Variants in SMC2 observed in about 807,000 individuals in gnomAD.
SMC2 encodes structural maintenance of chromosomes 2.
A neutral mutation model predicts 142.6 loss-of-function variants in SMC2; 41 were observed. That is an observed-to-expected ratio of 0.29 (90% CI 0.22 to 0.37). SMC2 has a LOEUF of 0.37. Ranked by LOEUF, SMC2 falls within the 10% of genes least tolerant of loss-of-function variation. SMC2 has a pLI of 1.00. For missense variants in SMC2, 1,265 were observed against 1,373.7 expected, an observed-to-expected ratio of 0.92 and a Z score of 1.25; for synonymous variants, 463 against 457.5, an observed-to-expected ratio of 1.01 and a Z score of -0.15.
chr9:104,118,829 T>C (rs578038760), intron 15 of SMC2, among the ~76,000 whole-genome samples: 64 of 152,322 alleles, frequency 4.2e-4, no homozygotes, highest in Admixed American at 3.2e-3. Context: ...AAATGGTTAA[T>C]GGATAATTCG....
chr9:104,139,204 T>C lies in SMC2; in HGVS notation c.3483T>C (p.Phe1161=). 7 of 1,603,972 alleles carry C rather than the reference T, an allele frequency of 4.4e-6. No homozygotes were observed. Among genetic ancestry groups the C allele is most frequent in the African/African-American group, 1.3e-5 (1 of 74,204 alleles). Residue 1161 remains phenylalanine (F), a synonymous_variant, in exon 25 of 25, where the codon TTT becomes TTC. Transcript: ENST00000374793. ...CAAACGTTCTTTTCAAAACCAAGTT[T>C]GTGGATGGTGTTTCTACAGTAGCCA... ...NNANVLFKTK[F]VDGVSTVARF...
At chr9:104,123,481 T>C (rs1833947807) in intron 17 of SMC2, among the ~76,000 whole-genome samples, 1 of 152,188 alleles carries the variant, frequency 6.6e-6, no homozygotes, top group Admixed American at 6.5e-5. Context: ...TCCAAGTTCT[T>C]TTTTCTCCAG....
chr9:104,122,967 A>G (rs374008654), intron 16 of SMC2, 141 bp from the exon 17 acceptor site: 2 of 806,856 alleles, frequency 2.5e-6, no homozygotes, highest in African/African-American at 3.6e-5. Flanking sequence ...AAAGCCGTCA[A>G]AATTATTCCT....
At chr9:104,094,014 C>A (rs891751600), upstream of SMC2, among the ~76,000 whole-genome samples, 4 of 152,218 alleles carry the variant, frequency 2.6e-5, no homozygotes, top group African/African-American at 9.6e-5. Flanking sequence ...CTAACGCGAA[C>A]TAGAGGGACC....
chr9:104,126,521 T>A (rs1296500594), intron 18 of SMC2, 120 bp from the exon 19 acceptor site: 1 of 651,142 alleles, frequency 1.5e-6, no homozygotes, highest in Non-Finnish European at 2.4e-6. Flanking sequence ...GGTAGCTGAG[T>A]GGTAACAAAG....
chr9:104,131,860 A>G (rs1835011902), intron 21 of SMC2, 149 bp from the exon 22 acceptor site: 2 of 544,760 alleles, frequency 3.7e-6, no homozygotes, highest in Non-Finnish European at 6.6e-6. Flanking sequence ...ATATGAGTAT[A>G]TATAATTCTT....
chr9:104,118,023 A>G (rs1833324037), intron 14 of SMC2, 148 bp from the exon 15 acceptor site: 8 of 600,982 alleles, frequency 1.3e-5, no homozygotes, highest in Middle Eastern at 4.5e-4. Context: ...TGAGTTTTAC[A>G]TAGCTTTTTA....
At chr9:104,125,278 G>GAGCA (rs1834139794) in intron 18 of SMC2, among the ~76,000 whole-genome samples, 173 bp downstream of exon 18, 1 of 152,110 alleles carries the variant, frequency 6.6e-6, no homozygotes, top group South Asian at 2.1e-4. Flanking sequence ...TATCCAGGAT[G>GAGCA]AGCATCTCAA....
At chr9:104,107,293 G>A (rs1315193351) in intron 9 of SMC2, among the ~76,000 whole-genome samples, 1 of 152,132 alleles carries the variant, frequency 6.6e-6, no homozygotes, top group Admixed American at 6.5e-5. Flanking sequence ...CAAGCAAGAA[G>A]TTACATTCCA....
chr9:104,099,528 C>A, intron 4 of SMC2, 116 bp from the exon 5 acceptor site: 1 of 658,908 alleles, frequency 1.5e-6, no homozygotes, highest in East Asian at 2.9e-5. Context: ...GAAAGACCCC[C>A]CCAAAGATTG....
At chr9:104,126,009 C>T (rs1274316509) in intron 18 of SMC2, among the ~76,000 whole-genome samples, 1 of 152,142 alleles carries the variant, frequency 6.6e-6, no homozygotes, top group Non-Finnish European at 1.5e-5. Flanking sequence ...AGGATTACTG[C>T]CTGAGTTCCA....
At position 104,139,310 on chromosome 9, in the gene SMC2, G is replaced by T. The variant is rs1835869559; in HGVS notation, c.3589G>T (p.Val1197Phe). 1 of 1,574,478 alleles carries T rather than the reference G, an allele frequency of 6.4e-7. No individual in the cohort carries two copies. Among genetic ancestry groups the T allele is most frequent in the South Asian group, 1.2e-5 (1 of 83,056 alleles). The change falls in exon 25 of 25, where the codon GTT becomes TTT. Residue 1197 changes from valine to phenylalanine, a missense_variant. Val to Phe is a conservative substitution (Grantham distance 50). Transcript: ENST00000374793. ...ACCACCCAAAGGAGCACATGTGGAA[G>T]TTTAAACTACAAAGTTATTTCTTCA... ...AKPPKGAHVE[V>F]
chr9:104,117,302 A>G (rs780318293), intron 14 of SMC2, among the ~76,000 whole-genome samples: 16 of 152,334 alleles, frequency 1.1e-4, no homozygotes, highest in Admixed American at 3.9e-4. Flanking sequence ...TCCTTTAGCC[A>G]AACCTATTTG....
In SMC2 at chr9:104,139,775, G is replaced by T; in HGVS notation, c.*460G>T. The T allele has an allele frequency of 6.5e-6, 1 of 153,836 alleles. No individual in the cohort carries two copies. The highest frequency in any genetic ancestry group is 1.4e-5 in the Non-Finnish European group (1 of 69,280). 9.5% of individuals were successfully genotyped at this position (153,836 alleles called of 1,614,324 possible). A position where few individuals can be genotyped will look rare whatever the true frequency, so the allele number is the denominator to read the frequency against. ...GACCAACAAAGGGAACACATATAAA[G>T]CTATTATGCATGCATGGAGCCGTTT... On this transcript the variant is annotated 3_prime_UTR_variant, in exon 25 of 25. Coordinates refer to ENST00000374793, the MANE Select transcript of SMC2 (RefSeq NM_006444.3).
intron 23 of SMC2, among the ~76,000 whole-genome samples, chr9:104,136,755 C>CTTTTTTTTTT (rs755408895): frequency 1.7e-5 from 2 of 119,820 alleles, no homozygotes; most frequent in East Asian, 2.4e-4. Context: ...CTGTTTTATT[C>CTTTTTTTTTT]TTTTTTTTTT....
At chr9:104,101,622 G>A (rs1831132034) in intron 7 of SMC2, among the ~76,000 whole-genome samples, 1 of 152,176 alleles carries the variant, frequency 6.6e-6, no homozygotes, top group Non-Finnish European at 1.5e-5. Context: ...GTATATTAGA[G>A]TAGGCATCTT....
chr9:104,120,913 A>G (rs1027883020), intron 16 of SMC2, among the ~76,000 whole-genome samples: 15 of 152,004 alleles, frequency 9.9e-5, no homozygotes, highest in African/African-American at 3.6e-4. Flanking sequence ...CTTGTTGGAG[A>G]AGCGGATGAT....
intron 16 of SMC2, among the ~76,000 whole-genome samples, chr9:104,122,250 G>A (rs1481590777): frequency 6.6e-6 from 1 of 152,018 alleles, no homozygotes; most frequent in Non-Finnish European, 1.5e-5. Flanking sequence ...GTGACACTGA[G>A]GTCAAGGAAG....
chr9:104,094,708 A>G (rs1179639630), intron 1 of SMC2: 2 of 338,216 alleles, frequency 5.9e-6, no homozygotes, highest in Admixed American at 9.5e-5. Context: ...TAAAAGCAAG[A>G]AGTTGGAGAA....
Sources: allele counts gnomAD v4.1 joint callset (sites outside exome capture counted in the v4.1 genomes callset), GRCh38; gene constraint gnomAD v4.1.1; transcripts MANE v1.5; gene names NCBI Gene and HGNC (gene_info 2026-07-23, HGNC 2026-07-21).